The following HLCS variants were observed in gnomAD, a reference collection of about 807,000 sequenced individuals.
HLCS encodes biotin--protein ligase.
In HLCS, 53 loss-of-function variants were observed where a neutral mutation model predicts 75.0. That is an observed-to-expected ratio of 0.71 (90% CI 0.57 to 0.89). The LOEUF (loss-of-function observed/expected upper bound fraction) is 0.89, where lower values mean the gene tolerates loss of function less well. Among genes scored for constraint, HLCS ranks in the 40% least tolerant of loss-of-function variants. HLCS has a pLI of 0.00. For missense variants in HLCS, 966 were observed against 1,074.0 expected (o/e 0.90, Z 1.41); for synonymous variants, 431 against 428.6 (o/e 1.01, Z -0.07).
chr21:36,908,890 G>A (rs775088167), intron 5 of HLCS, among the ~76,000 whole-genome samples: 5 of 152,126 alleles, frequency 3.3e-5, no homozygotes, highest in Non-Finnish European at 5.9e-5. Context: ...GTGGATGAGC[G>A]CATGAGAACT....
Position 36,756,666 on chromosome 21 carries a change from T to C in HLCS, c.2326A>G (p.Lys776Glu), listed in dbSNP as rs752162795. The C allele has an allele frequency of 6.2e-7, 1 of 1,614,124 alleles. No homozygotes were observed. The highest frequency in any genetic ancestry group is 8.5e-7 in the Non-Finnish European group (1 of 1,180,014). The change falls in exon 10 of 11, where the codon AAG (lysine) becomes GAG (glutamate). Residue 776 changes from lysine (K) to glutamate (E), a missense_variant. Lys to Glu is a moderately conservative substitution (Grantham distance 56). Transcript: ENST00000674895. ...ATGAGATAATCGGCTCTTAAGGGCT[T>C]CAGTTCTGCCTTGTGTTGTTTATTG... ...EYNKQHKAEL[K>E]PLRADYLIAR... is the part of the protein sequence containing the mutation.
chr21:36,803,627 A>C (rs1477299247), intron 6 of HLCS, among the ~76,000 whole-genome samples: 1 of 152,122 alleles, frequency 6.6e-6, no homozygotes, highest in Non-Finnish European at 1.5e-5. Context: ...CCTCAATTTC[A>C]ATTATTTTTT....
In HLCS at chr21:36,858,499, G is replaced by C. The variant is rs1360395324; in HGVS notation, c.1892+38361C>G. Among the ~76,000 whole-genome samples the C allele has an allele frequency of 2.6e-5, 4 of 152,332 alleles. No individual in the cohort carries two copies. The East Asian group carries it at 7.7e-4, about 29-fold the overall frequency. The stretch of plus-strand genomic sequence containing the variant: ...ACAGCACTGAATATGTTTATGAAAT[G>C]CATCCACTCACTCAACAAATATTTA... On this transcript the variant is annotated intron_variant, in intron 6 of 10. Coordinates refer to ENST00000674895, the MANE Select transcript of HLCS (RefSeq NM_001352514.2).
chr21:36,842,479 C>A lies in HLCS; in HGVS notation c.1892+54381G>T, dbSNP rs1040105783. 2.0e-5 allele frequency among the ~76,000 whole-genome samples: 3 copies of A among 152,168 alleles called. No homozygotes were observed. Among genetic ancestry groups the A allele is most frequent in the Non-Finnish European group, 4.4e-5 (3 of 68,042 alleles). ...CTCTGGCCAGGCACAGTGGCTCATC[C>A]CTATAATCCCAGCACTTCGGGAGGC... On this transcript the variant is annotated intron_variant, in intron 6 of 10. Transcript: ENST00000674895. This position sits in a 1 kb window ranked among gnomAD's most constrained non-coding sequence, Gnocchi z 4.2.
chr21:36,871,542 G>A (rs1053494851), intron 6 of HLCS, among the ~76,000 whole-genome samples: 3 of 151,878 alleles, frequency 2.0e-5, no homozygotes, highest in South Asian at 2.1e-4. Flanking sequence ...AAAACGCTAC[G>A]AAAATACAAT....
rs751784787 is a variant in HLCS at position 36,960,916 on chromosome 21, C to T, written c.330+1120G>A. Among the ~76,000 whole-genome samples the T allele has an allele frequency of 4.6e-5, 7 of 152,208 alleles. No homozygotes were observed. In the East Asian group the frequency reaches 9.7e-4, roughly 21 times the overall value. ...GTGGGTCCAGAATGACTAACTCTGG[C>T]CATCAAGAGGAATGCCCAAAGAAGG... On this transcript the variant is annotated intron_variant, in intron 2 of 10. Coordinates refer to ENST00000674895, the MANE Select transcript of HLCS (RefSeq NM_001352514.2).
intron 6 of HLCS, among the ~76,000 whole-genome samples, chr21:36,777,567 C>T (rs1025639760): frequency 2.6e-5 from 4 of 152,244 alleles, no homozygotes; most frequent in African/African-American, 9.6e-5. Flanking sequence ...GCTGTCACGG[C>T]TTCTTCGTCT....
intron 5 of HLCS, among the ~76,000 whole-genome samples, chr21:36,920,646 A>G (rs996305358): frequency 6.6e-6 from 1 of 152,140 alleles, no homozygotes; most frequent in Non-Finnish European, 1.5e-5. Context: ...GTATACACCT[A>G]CTATGTACCT....
At chr21:36,897,897 G>A (rs2065077993) in intron 5 of HLCS, among the ~76,000 whole-genome samples, 1 of 152,156 alleles carries the variant, frequency 6.6e-6, no homozygotes, top group Admixed American at 6.5e-5. Context: ...ATCAGGAACT[G>A]AGGGCTGAGG....
Position 36,966,471 on chromosome 21 carries a change from G to A in HLCS, c.168C>T (p.Gly56=). ...GGCTGTCGCTGACGCAGAAGACGCG[G>A]CCGCCACGGCTCAGGCACACGCGGG... ...PGARVCLSRG[G]RVFCVSDSQS... Residue 56 remains glycine, a synonymous_variant, in exon 1 of 11, where the codon GGC becomes GGT. Coordinates refer to ENST00000674895, the MANE Select transcript of HLCS (RefSeq NM_001352514.2). The A allele has an allele frequency of 1.0e-6, 1 of 971,476 alleles. No homozygotes were observed. The highest frequency in any genetic ancestry group is 4.8e-5 in the South Asian group (1 of 20,792). The allele number at this position is 971,476 out of a possible 1,614,324, so 60.2% of individuals were successfully genotyped here.
In HLCS at chr21:36,948,032, C is replaced by A. The variant is rs796227170; in HGVS notation, c.331-9038G>T. The A allele has an allele frequency of 7.6e-5, 74 of 970,840 alleles. 1 individual carries two copies. In the African/African-American group the frequency reaches 1.3e-3, roughly 17 times the overall value. 60.1% of individuals were successfully genotyped at this position (970,840 alleles called of 1,614,324 possible). On this transcript the variant is annotated intron_variant, in intron 2 of 10. Transcript: ENST00000674895. ...CAGGGCCAGGCGCGGTGGCTCACACCTGTAATCCCAGCACTTTGGGAGGCC... is the reference window on the plus strand; with the variant it reads ...CAGGGCCAGGCGCGGTGGCTCACACATGTAATCCCAGCACTTTGGGAGGCC...
At chr21:36,924,615 G>A (rs1262270146) in intron 5 of HLCS, among the ~76,000 whole-genome samples, 1 of 152,086 alleles carries the variant, frequency 6.6e-6, no homozygotes, top group African/African-American at 2.4e-5. Flanking sequence ...TGTCCTGTAC[G>A]CCAGCTTCCT....
intron 5 of HLCS, among the ~76,000 whole-genome samples, chr21:36,922,162 T>G (rs2066198861): frequency 6.6e-6 from 1 of 152,202 alleles, no homozygotes; most frequent in African/African-American, 2.4e-5. Context: ...TAGAATTTTT[T>G]TGTAAAGGAC....
At chr21:36,891,373 T>C (rs1209806329) in intron 6 of HLCS, among the ~76,000 whole-genome samples, 2 of 152,200 alleles carry the variant, frequency 1.3e-5, no homozygotes, top group Non-Finnish European at 2.9e-5. Context: ...CCACTTCTAT[T>C]TTCAGATATC....
chr21:36,923,456 G>C (rs1198498381), intron 5 of HLCS, among the ~76,000 whole-genome samples: 1 of 152,206 alleles, frequency 6.6e-6, no homozygotes, highest in African/African-American at 2.4e-5. Flanking sequence ...AAAGTGCTGA[G>C]CGGGAATGTT....
chr21:36,859,790 C>A (rs2063322012), intron 6 of HLCS, among the ~76,000 whole-genome samples: 1 of 152,234 alleles, frequency 6.6e-6, no homozygotes, highest in Non-Finnish European at 1.5e-5. Context: ...GTGGGCTTCA[C>A]AAACCACCAT....
intron 5 of HLCS, among the ~76,000 whole-genome samples, chr21:36,907,975 A>T (rs1457428352): frequency 6.6e-6 from 1 of 152,178 alleles, no homozygotes; most frequent in African/African-American, 2.4e-5. Flanking sequence ...GGTTAAAATT[A>T]AAAAACTATT....
At chr21:36,886,855 G>A (rs114225990) in intron 6 of HLCS, among the ~76,000 whole-genome samples, 2,344 of 152,096 alleles carry the variant, frequency 0.015, 58 homozygotes, top group African/African-American at 0.052. Flanking sequence ...AGCAGGGTCT[G>A]GTGGCTCATG....
At chr21:36,892,342 G>A (rs2064822321) in intron 6 of HLCS, among the ~76,000 whole-genome samples, 1 of 152,190 alleles carries the variant, frequency 6.6e-6, no homozygotes. Flanking sequence ...GCAGAACGCG[G>A]GTTGCCAGAC....
Sources: gnomAD v4.1 joint callset for allele counts (sites outside exome capture counted in the v4.1 genomes callset) on GRCh38, gnomAD v4.1.1 for gene constraint, Gnocchi (gnomAD v3.1) non-coding constraint, MANE v1.5 for transcripts, NCBI Gene and HGNC (gene_info 2026-07-23, HGNC 2026-07-21) for gene names.